BAG3: variants seen among roughly 807,000 people sequenced by gnomAD.
The protein encoded by BAG3 is BAG family molecular chaperone regulator 3.
BAG3 carries 14 observed loss-of-function variants against 40.5 expected under a neutral mutation model. The ratio of observed to expected loss-of-function variants is 0.35; its 90% CI spans 0.23 to 0.54. The LOEUF is 0.54. BAG3 is among the 20% of genes least tolerant of loss of function. BAG3 has a pLI of 0.91. For synonymous variants in BAG3, 302 were observed against 307.8 expected (o/e 0.98, Z 0.20); for missense variants, 788 against 758.6 (o/e 1.04, Z -0.46).
rs1847242439 is a variant in BAG3 at position 119,676,744 on chromosome 10, C to A, written c.1190C>A (p.Ala397Asp). The A allele has an allele frequency of 6.2e-7, 1 of 1,614,114 alleles. No individual in the cohort carries two copies. ...PKSVATEERA[A>D]PSTAPAEATP... The stretch of plus-strand genomic sequence containing the variant: ...AGTGTGGCTACAGAAGAGAGGGCAG[C>A]CCCCAGCACTGCCCCTGCAGAAGCT... Residue 397 changes from alanine (A) to aspartate (D), a missense_variant, in exon 4 of 4, where the codon GCC becomes GAC. By Grantham distance (126) the Ala-to-Asp change is moderately radical (BLOSUM62 -2). Transcript: ENST00000369085.
At chr10:119,658,496 C>T (rs1375680281) in intron 1 of BAG3, among the ~76,000 whole-genome samples, 2 of 152,246 alleles carry the variant, frequency 1.3e-5, no homozygotes, top group Non-Finnish European at 2.9e-5. Flanking sequence ...CTCCCTGACC[C>T]AGAGCACACT....
chr10:119,676,489 C>T lies in BAG3; in HGVS notation c.935C>T (p.Ala312Val), dbSNP rs1178679842. Reference sequence around the variant, plus strand: ...CAGCCCATGACCCATCGAGAAACTGCACCTGTTTCCCAGCCTGAAAACAAA... The same window carrying T: ...CAGCCCATGACCCATCGAGAAACTGTACCTGTTTCCCAGCCTGAAAACAAA... ...PQQPMTHRETAPVSQPENKPE... is the reference protein window; with the variant it reads ...PQQPMTHRETVPVSQPENKPE... The change falls in exon 4 of 4, where the codon GCA (alanine) becomes GTA (valine). Residue 312 changes from alanine (A) to valine (V), a missense_variant. Transcript: ENST00000369085. 2.5e-6 allele frequency: 4 copies of T among 1,614,110 alleles called. No homozygotes were observed. The South Asian group carries it at 4.4e-5, about 18-fold the overall frequency.
At chr10:119,670,898 T>G (rs376548670) in intron 2 of BAG3, among the ~76,000 whole-genome samples, 15 of 152,334 alleles carry the variant, frequency 9.8e-5, no homozygotes, top group East Asian at 5.8e-4. Context: ...CACATCATCC[T>G]GTGGTGTGTG....
intron 2 of BAG3, among the ~76,000 whole-genome samples, chr10:119,671,017 A>C (rs999350335): frequency 3.9e-5 from 6 of 152,110 alleles, no homozygotes; most frequent in Admixed American, 3.9e-4. Flanking sequence ...TTGAGAGTGA[A>C]AGTTACAGTT....
chr10:119,669,104 A>G (rs927554341), intron 1 of BAG3, among the ~76,000 whole-genome samples: 1 of 152,170 alleles, frequency 6.6e-6, no homozygotes, highest in Admixed American at 6.5e-5. Context: ...GTTTCTGGCT[A>G]AACTGACTTA....
Position 119,677,489 on chromosome 10 carries a change from G to T in BAG3, c.*207G>T. The T allele has an allele frequency of 1.4e-6, 1 of 713,130 alleles. No homozygotes were observed. The highest frequency in any genetic ancestry group is 2.3e-6 in the Non-Finnish European group (1 of 434,742). The allele number at this position is 713,130 out of a possible 1,614,324, so 44.2% of individuals were successfully genotyped here. ...CTTACTCTGTACAAATAAAGAAGTT[G>T]CTTGTTGTTTGAGAAGTTTAACCCC... is the stretch of plus-strand genomic sequence containing the variant. On this transcript the variant is annotated 3_prime_UTR_variant, in exon 4 of 4. Transcript: ENST00000369085.
At position 119,677,098 on chromosome 10, in the gene BAG3, T is replaced by C; in HGVS notation, c.1544T>C (p.Leu515Pro). ...VQVYELQPSN[L>P]EADQPLQAIM... is the part of the protein sequence containing the mutation. Reference sequence around the variant, plus strand: ...GTCTATGAACTCCAGCCCAGCAACCTTGAAGCAGATCAGCCACTGCAGGCA... The same window carrying C: ...GTCTATGAACTCCAGCCCAGCAACCCTGAAGCAGATCAGCCACTGCAGGCA... Residue 515 changes from leucine (L) to proline (P), a missense_variant, in exon 4 of 4, where the codon CTT (leucine) becomes CCT (proline). Transcript: ENST00000369085. 6.2e-7 allele frequency: 1 copy of C among 1,614,136 alleles called. No homozygotes were observed. Among genetic ancestry groups the C allele is most frequent in the Non-Finnish European group, 8.5e-7 (1 of 1,180,022 alleles).
At position 119,651,812 on chromosome 10, in the gene BAG3, C is replaced by A; in HGVS notation, c.137C>A (p.Thr46Asn). Residue 46 changes from threonine (T) to asparagine (N), a missense_variant, in exon 1 of 4, where the codon ACC becomes AAC. Physicochemically the swap from Thr to Asn is moderately conservative, Grantham distance 65. Transcript: ENST00000369085. ...TTCTTCGTGGACCACAACAGCCGCA[C>A]CACTACGTGGAACGACCCGCGCGTG... is the stretch of plus-strand genomic sequence containing the variant. The part of the protein sequence containing the change: ...WPFFVDHNSR[T>N]TTWNDPRVPS... 1 of 1,596,686 alleles carries A rather than the reference C, an allele frequency of 6.3e-7. No homozygotes were observed. Among genetic ancestry groups the A allele is most frequent in the Non-Finnish European group, 8.5e-7 (1 of 1,172,370 alleles).
intron 1 of BAG3, among the ~76,000 whole-genome samples, chr10:119,663,424 T>G (rs1444228426): frequency 6.6e-6 from 1 of 152,132 alleles, no homozygotes; most frequent in African/African-American, 2.4e-5. Context: ...ATCATCAACT[T>G]CCTAAGCAGC....
intron 1 of BAG3, chr10:119,656,637 G>A (rs1050856144): frequency 6.6e-6 from 1 of 152,126 alleles, no homozygotes; most frequent in African/African-American, 2.4e-5. Flanking sequence ...TACCATGTGA[G>A]GTATCTGGTG....
At chr10:119,675,761 T>TTCCTTCTCTCCTTCCC (rs1847209916) in intron 3 of BAG3, among the ~76,000 whole-genome samples, 1 of 81,200 alleles carries the variant, frequency 1.2e-5, no homozygotes, top group African/African-American at 5.0e-5. Flanking sequence ...CTTTCCTTCC[T>TTCCTTCTCTCCTTCCC]TCCTTCCCTC....
chr10:119,657,061 A>G (rs1013744545), intron 1 of BAG3, among the ~76,000 whole-genome samples: 5 of 152,088 alleles, frequency 3.3e-5, no homozygotes, highest in Non-Finnish European at 5.9e-5. Context: ...CCCCAGGCAC[A>G]GCTTGAGGTG....
intron 1 of BAG3, among the ~76,000 whole-genome samples, chr10:119,665,834 A>C (rs1366361955): frequency 6.6e-6 from 1 of 152,028 alleles, no homozygotes. Context: ...ACCAGAGTAG[A>C]AGGGGAGCCT....
At position 119,677,514 on chromosome 10, in the gene BAG3, C is replaced by A; in HGVS notation, c.*232C>A. 1 of 589,252 alleles carries A rather than the reference C, an allele frequency of 1.7e-6. No individual in the cohort carries two copies. The highest frequency in any genetic ancestry group is 1.9e-5 in the South Asian group (1 of 51,982). 36.5% of individuals were successfully genotyped at this position (589,252 alleles called of 1,614,324 possible). On this transcript the variant is annotated 3_prime_UTR_variant, in exon 4 of 4. Transcript: ENST00000369085. ...GCTTGTTGTTTGAGAAGTTTAACCCCGTTGCTTGTTGTTCTGCAGCCCTGT... is the reference window on the plus strand; with the variant it reads ...GCTTGTTGTTTGAGAAGTTTAACCCAGTTGCTTGTTGTTCTGCAGCCCTGT...
rs727504796 is a variant in BAG3, at chr10:119,676,898, C to T, written c.1344C>T (p.Asp448=). The T allele has an allele frequency of 4.3e-6, 7 of 1,614,162 alleles. No homozygotes were observed. Among genetic ancestry groups the T allele is most frequent in the Non-Finnish European group, 5.9e-6 (7 of 1,180,032 alleles). Residue 448 remains aspartate, a synonymous_variant, in exon 4 of 4, where the codon GAC becomes GAT. Transcript: ENST00000369085. ...AVDNFEGKKT[D]KKYLMIEEYL... ...ACAACTTTGAAGGCAAGAAGACTGA[C>T]AAAAAGTACCTGATGATCGAAGAGT...
chr10:119,676,708 C>T lies in BAG3; in HGVS notation c.1154C>T (p.Ser385Phe). The T allele has an allele frequency of 6.2e-7, 1 of 1,614,212 alleles. No homozygotes were observed. The highest frequency in any genetic ancestry group is 8.5e-7 in the Non-Finnish European group (1 of 1,180,030). ...AGCCCTGGCCCTTCTGCTGTCCCCT[C>T]TTCCCCCAAGAGTGTGGCTACAGAA... ...PPSPGPSAVP[S>F]SPKSVATEER... is the part of the protein sequence containing the mutation. Residue 385 changes from serine (S) to phenylalanine (F), a missense_variant, in exon 4 of 4, where the codon TCT (serine) becomes TTT (phenylalanine). Transcript: ENST00000369085.
intron 1 of BAG3, among the ~76,000 whole-genome samples, chr10:119,653,706 C>A (rs1846873570): frequency 6.6e-6 from 1 of 152,152 alleles, no homozygotes; most frequent in South Asian, 2.1e-4. Flanking sequence ...CCTTGAAGAT[C>A]TCTTATGTTA....
intron 1 of BAG3, among the ~76,000 whole-genome samples, chr10:119,655,136 C>T (rs1195239126): frequency 6.6e-6 from 1 of 152,226 alleles, no homozygotes; most frequent in Non-Finnish European, 1.5e-5. Context: ...GCCTCCTGAA[C>T]ATCTATCCTG....
chr10:119,666,471 GCAGA>G (rs1847068749), intron 1 of BAG3, among the ~76,000 whole-genome samples: 1 of 152,250 alleles, frequency 6.6e-6, no homozygotes, highest in Non-Finnish European at 1.5e-5. Flanking sequence ...AGTCTTGTGT[GCAGA>G]CAGAGTTGTT....
Sources: allele counts gnomAD v4.1 joint callset (sites outside exome capture counted in the v4.1 genomes callset), GRCh38; gene constraint gnomAD v4.1.1; transcripts MANE v1.5; gene names NCBI Gene and HGNC (gene_info 2026-07-23, HGNC 2026-07-21).